The following PLAG1 variants were observed in gnomAD, a reference collection of about 807,000 sequenced individuals.
PLAG1 encodes the protein PLAG1 zinc finger, also known as zinc finger protein PLAG1.
In PLAG1, 7 loss-of-function variants were observed where a neutral mutation model predicts 35.5. The observed-to-expected ratio is 0.20, with a 90% CI of 0.11 to 0.37. The LOEUF (loss-of-function observed/expected upper bound fraction) is 0.37, where lower values mean the gene tolerates loss of function less well. PLAG1 is among the 10% of genes least tolerant of loss of function. PLAG1 has a pLI of 1.00. For synonymous variants in PLAG1, 229 were observed against 225.4 expected (o/e 1.02, Z -0.14); for missense variants, 454 against 602.8 (o/e 0.75, Z 2.58).
At chr8:56,196,761 C>T (rs1017812721) in intron 1 of PLAG1, among the ~76,000 whole-genome samples, 2 of 152,088 alleles carry the variant, frequency 1.3e-5, no homozygotes. Flanking sequence ...GTGGGCCTCC[C>T]TCCTGCCTCC....
intron 1 of PLAG1, among the ~76,000 whole-genome samples, chr8:56,196,004 G>A (rs1032928149): frequency 3.3e-5 from 5 of 152,186 alleles, no homozygotes; most frequent in African/African-American, 9.7e-5. Context: ...AGCCAGCTGC[G>A]TGCTCACTGC....
At chr8:56,175,556 CA>C (rs1811660071) in intron 2 of PLAG1, among the ~76,000 whole-genome samples, 2 of 152,268 alleles carry the variant, frequency 1.3e-5, no homozygotes, top group East Asian at 1.9e-4. Context: ...TAAAGTTAAT[CA>C]AAAATAAGGA....
intron 1 of PLAG1, among the ~76,000 whole-genome samples, chr8:56,199,984 G>A (rs545478034): frequency 3.3e-5 from 5 of 152,210 alleles, no homozygotes; most frequent in African/African-American, 9.6e-5. Flanking sequence ...CCCTCTCAAC[G>A]GAATAAAACC....
intron 1 of PLAG1, among the ~76,000 whole-genome samples, chr8:56,206,291 T>C (rs1228281274): frequency 3.3e-5 from 5 of 152,002 alleles, no homozygotes; most frequent in Non-Finnish European, 2.9e-5. Flanking sequence ...TATGTCCCTG[T>C]AATAATTTCT....
intron 2 of PLAG1, among the ~76,000 whole-genome samples, chr8:56,175,957 TA>T (rs1204455421): frequency 3.0e-4 from 46 of 152,090 alleles, no homozygotes; most frequent in Admixed American, 2.6e-4. Context: ...AATTCAGACA[TA>T]TTTTCCTTGG....
At chr8:56,176,728 T>C (rs1017155736) in intron 2 of PLAG1, among the ~76,000 whole-genome samples, 1 of 151,946 alleles carries the variant, frequency 6.6e-6, no homozygotes, top group Admixed American at 6.6e-5. Context: ...ACAAAGTAGG[T>C]AGCCCACAGG....
chr8:56,178,589 T>G (rs1431457811), intron 2 of PLAG1, among the ~76,000 whole-genome samples: 1 of 152,214 alleles, frequency 6.6e-6, no homozygotes, highest in Non-Finnish European at 1.5e-5. Context: ...TTGATCAAGC[T>G]CTGTTGATGT....
intron 1 of PLAG1, among the ~76,000 whole-genome samples, chr8:56,204,107 T>C (rs1221196284): frequency 2.0e-5 from 3 of 151,974 alleles, no homozygotes; most frequent in African/African-American, 7.2e-5. Context: ...TGGAGCTAAT[T>C]TCTCTTCAAT....
intron 2 of PLAG1, chr8:56,177,929 A>G (rs1465404540): frequency 7.7e-6 from 3 of 388,488 alleles, no homozygotes; most frequent in Non-Finnish European, 1.1e-5. Context: ...CTGCTTCGGC[A>G]GACCTCAAAA....
intron 1 of PLAG1, among the ~76,000 whole-genome samples, chr8:56,203,340 C>T (rs368139797): frequency 9.2e-5 from 14 of 152,132 alleles, no homozygotes; most frequent in African/African-American, 3.4e-4. Context: ...CTAATTAAGC[C>T]TGTTACTTGA....
intron 1 of PLAG1, among the ~76,000 whole-genome samples, chr8:56,193,767 G>A (rs1337753703): frequency 5.6e-5 from 8 of 143,480 alleles, no homozygotes; most frequent in African/African-American, 1.0e-4. Flanking sequence ...GCACGATCCC[G>A]GCTCACTGCA....
At chr8:56,170,830 T>C (rs565973885) in intron 3 of PLAG1, among the ~76,000 whole-genome samples, 1 of 152,340 alleles carries the variant, frequency 6.6e-6, no homozygotes, top group Admixed American at 6.5e-5. Context: ...TCTTTGGATG[T>C]ACATACTGAG....
chr8:56,193,637 C>T (rs1359705758), intron 1 of PLAG1, among the ~76,000 whole-genome samples: 3 of 151,808 alleles, frequency 2.0e-5, no homozygotes, highest in Non-Finnish European at 4.4e-5. Context: ...GCATTCGAGA[C>T]TGATGTACAA....
At position 56,166,578 on chromosome 8, in the gene PLAG1, A is replaced by G. The variant is rs1187688420; in HGVS notation, c.1168T>C (p.Ser390Pro). The change falls in exon 5 of 5, where the codon TCC (serine) becomes CCC (proline). Residue 390 changes from serine (S) to proline (P), a missense_variant. Transcript: ENST00000316981. The stretch of plus-strand genomic sequence containing the variant: ...AGGTCTCCTGCACCATCATCTAGGG[A>G]CCCAATCTGAGGATCCAACCCTAGC... ...SKLGLDPQIG[S>P]LDDGAGDLSL... The G allele has an allele frequency of 2.5e-6, 4 of 1,613,808 alleles. No individual in the cohort carries two copies. The African/African-American group carries it at 4.0e-5, about 16-fold the overall frequency.
chr8:56,167,942 G>T lies in PLAG1; in HGVS notation c.242+86C>A. 1.4e-6 allele frequency: 1 copy of T among 729,146 alleles called. No individual in the cohort carries two copies. Among genetic ancestry groups the T allele is most frequent in the Non-Finnish European group, 2.3e-6 (1 of 441,278 alleles). 45.2% of individuals were successfully genotyped at this position (729,146 alleles called of 1,614,324 possible). The stretch of plus-strand genomic sequence containing the variant: ...CCTCTTTGCAAATTAGCTGAAAAAT[G>T]TGTATACAAATACATACGTTTACAA... On this transcript the variant is annotated intron_variant, in intron 4 of 4. Transcript: ENST00000316981. This position sits in a 1 kb window ranked among gnomAD's most constrained non-coding sequence, Gnocchi z 5.9.
intron 1 of PLAG1, among the ~76,000 whole-genome samples, chr8:56,193,156 TA>T (rs1268760703): frequency 6.6e-6 from 1 of 152,224 alleles, no homozygotes; most frequent in East Asian, 1.9e-4. Flanking sequence ...AAAGAGTCTG[TA>T]CTTTTTGGAA....
At chr8:56,206,856 C>T (rs898249582) in intron 1 of PLAG1, among the ~76,000 whole-genome samples, 31 of 151,822 alleles carry the variant, frequency 2.0e-4, no homozygotes, top group African/African-American at 7.3e-4. Context: ...GATTTATAGC[C>T]CTTTTACCTT....
At chr8:56,207,229 C>T (rs1812725149) in intron 1 of PLAG1, among the ~76,000 whole-genome samples, 1 of 151,902 alleles carries the variant, frequency 6.6e-6, no homozygotes, top group Admixed American at 6.6e-5. Context: ...TCAAAGATAG[C>T]TATAGATATA....
rs373458484 is a variant in PLAG1, at chr8:56,186,652, C to T, written c.-321-7139G>A. Among the ~76,000 whole-genome samples the T allele has an allele frequency of 5.4e-5, 8 of 149,046 alleles. No homozygotes were observed. The East Asian group carries it at 5.9e-4, about 11-fold the overall frequency. ...CCTCTTAAAGTGTTGGGATTATAGG[C>T]GTGAGCCACCATGTCCAGCTGGTTA... On this transcript the variant is annotated intron_variant, in intron 1 of 4. Transcript: ENST00000316981.
Sources: allele counts gnomAD v4.1 joint callset (sites outside exome capture counted in the v4.1 genomes callset), GRCh38; gene constraint gnomAD v4.1.1; non-coding constraint Gnocchi (gnomAD v3.1); transcripts MANE v1.5; gene names NCBI Gene and HGNC (gene_info 2026-07-23, HGNC 2026-07-21).